KCNQ1: variants seen among roughly 807,000 people sequenced by gnomAD.
KCNQ1 encodes the protein potassium voltage-gated channel subfamily Q member 1.
KCNQ1 carries 49 observed loss-of-function variants against 72.4 expected under a neutral mutation model. That is an observed-to-expected ratio of 0.68 (90% CI 0.54 to 0.86). The LOEUF is 0.86. KCNQ1 is among the 40% of genes least tolerant of loss of function. The pLI is 0.00. For synonymous variants in KCNQ1, 450 were observed against 412.6 expected (o/e 1.09, Z -1.10); for missense variants, 790 against 945.1 (o/e 0.84, Z 2.15).
At chr11:2,630,273 A>C (rs1445017680) in intron 10 of KCNQ1, 1 of 398,092 alleles carries the variant, frequency 2.5e-6, no homozygotes, top group Non-Finnish European at 4.4e-6. Context: ...CATGTTTGTG[A>C]TATATGATTT....
rs1230124038 is a variant in KCNQ1, at chr11:2,724,922, C to T, written c.1515-43922C>T. ...TGTCACAGGGTAGAGATGACTGATC[C>T]AGTAACCTGGACAGGGTGCCGAGGG... On this transcript the variant is annotated intron_variant, in intron 11 of 15. Coordinates refer to ENST00000155840, the MANE Select transcript of KCNQ1 (RefSeq NM_000218.3). The surrounding 1 kb of genome is among the most constrained non-coding windows in gnomAD (Gnocchi z 6.8). 6.6e-6 allele frequency among the ~76,000 whole-genome samples: 1 copy of T among 152,202 alleles called. No individual in the cohort carries two copies. Among genetic ancestry groups the T allele is most frequent in the Non-Finnish European group, 1.5e-5 (1 of 68,036 alleles).
intron 3 of KCNQ1, among the ~76,000 whole-genome samples, chr11:2,571,101 G>A (rs1848326306): frequency 6.6e-6 from 1 of 152,196 alleles, no homozygotes; most frequent in Admixed American, 6.5e-5. Flanking sequence ...TCAGCACAGG[G>A]CCCAGCCTAG....
chr11:2,709,063 C>T (rs1024692858), intron 11 of KCNQ1, among the ~76,000 whole-genome samples: 9 of 152,130 alleles, frequency 5.9e-5, no homozygotes, highest in African/African-American at 2.2e-4. Context: ...CTGCCTGCTC[C>T]ACCGCCCCTC....
intron 12 of KCNQ1, chr11:2,771,359 G>C (rs1300724018): frequency 6.6e-6 from 1 of 152,242 alleles, no homozygotes. Flanking sequence ...AACTACCATG[G>C]CTTCCAGTCT....
intron 1 of KCNQ1, chr11:2,521,669 G>T (rs73419593): frequency 0.034 from 13,301 of 393,618 alleles, 434 homozygotes; most frequent in African/African-American, 0.12. Context: ...TCTCTTTAAG[G>T]TTCCTCAACT....
intron 2 of KCNQ1, among the ~76,000 whole-genome samples, chr11:2,568,558 T>C (rs965268333): frequency 6.6e-6 from 1 of 152,176 alleles, no homozygotes; most frequent in African/African-American, 2.4e-5. Context: ...TAACGGGCAG[T>C]TTCTCAGAAG....
Position 2,695,307 on chromosome 11 carries a change from C to T in KCNQ1, c.1514+33226C>T. On this transcript the variant is annotated intron_variant, in intron 11 of 15. Transcript: ENST00000155840. This position sits in a 1 kb window ranked among gnomAD's most constrained non-coding sequence, Gnocchi z 5.2. ...CTCCTCCCTACACAAACAGCTTCTC[C>T]AGGGTAATTTATTTATATCATTGTG... 2.5e-6 allele frequency: 1 copy of T among 397,586 alleles called. No individual in the cohort carries two copies. The highest frequency in any genetic ancestry group is 1.3e-4 in the South Asian group (1 of 7,738). 24.6% of individuals were successfully genotyped at this position (397,586 alleles called of 1,614,324 possible). A position where few individuals can be genotyped will look rare whatever the true frequency, so the allele number is the denominator to read the frequency against.
Position 2,849,036 on chromosome 11 carries a change from T to G in KCNQ1, c.*1033T>G, listed in dbSNP as rs1848403419. On this transcript the variant is annotated 3_prime_UTR_variant, in exon 16 of 16. Coordinates refer to ENST00000155840, the MANE Select transcript of KCNQ1 (RefSeq NM_000218.3). ...CTCACCTTGGTTCCTGGGGCATCCA[T>G]GGGGTCTCTCACAGACAGGACCCCT... The G allele has an allele frequency of 2.2e-6, 1 of 454,016 alleles. No individual in the cohort carries two copies. 28.1% of individuals were successfully genotyped at this position (454,016 alleles called of 1,614,324 possible).
At chr11:2,535,051 G>C (rs546918595) in intron 2 of KCNQ1, among the ~76,000 whole-genome samples, 2 of 152,242 alleles carry the variant, frequency 1.3e-5, no homozygotes, top group African/African-American at 4.8e-5. Context: ...AGGGCACGGG[G>C]TGGCCTGCAG....
At position 2,463,202 on chromosome 11, in the gene KCNQ1, TG is replaced by T. The variant is rs1846304274; in HGVS notation, c.386+17723del. ...GCTCAGCCTCTCCCGGCTGTGACCTTGGGGGACCATTGACTTTACTGTGTGC... is the reference window on the plus strand; with the variant it reads ...GCTCAGCCTCTCCCGGCTGTGACCTTGGGGACCATTGACTTTACTGTGTGC... On this transcript the variant is annotated intron_variant, in intron 1 of 15. Coordinates refer to ENST00000155840, the MANE Select transcript of KCNQ1 (RefSeq NM_000218.3). The surrounding 1 kb of genome is among the most constrained non-coding windows in gnomAD (Gnocchi z 7.0). Among the ~76,000 whole-genome samples the T allele has an allele frequency of 6.6e-6, 1 of 152,128 alleles. No homozygotes were observed. The highest frequency in any genetic ancestry group is 1.5e-5 in the Non-Finnish European group (1 of 68,018).
intron 11 of KCNQ1, chr11:2,684,679 A>G (rs1330070508): frequency 7.5e-6 from 3 of 398,510 alleles, no homozygotes; most frequent in Non-Finnish European, 1.3e-5. Context: ...GCAGGGAGCT[A>G]GTGGCCAACT....
At position 2,674,815 on chromosome 11, in the gene KCNQ1, C is replaced by G; in HGVS notation, c.1514+12734C>G. On this transcript the variant is annotated intron_variant, in intron 11 of 15. Transcript: ENST00000155840. The surrounding 1 kb of genome is among the most constrained non-coding windows in gnomAD (Gnocchi z 5.9). ...TGCTGGCCTTTGGAAAGGCTTGTCA[C>G]CCTAATAGCTGTTTTTTAAAAAAAA... 2.6e-6 allele frequency: 1 copy of G among 391,966 alleles called. No homozygotes were observed. The highest frequency in any genetic ancestry group is 4.4e-6 in the Non-Finnish European group (1 of 224,990). The allele number at this position is 391,966 out of a possible 1,614,324, so 24.3% of individuals were successfully genotyped here.
intron 11 of KCNQ1, among the ~76,000 whole-genome samples, chr11:2,749,313 G>A (rs992502193): frequency 3.3e-5 from 5 of 151,956 alleles, no homozygotes; most frequent in Non-Finnish European, 5.9e-5. Context: ...GAGGGGTGTC[G>A]GGGGCCTCGG....
In KCNQ1 at chr11:2,588,285, G is replaced by A. The variant is rs868160094; in HGVS notation, c.1252-428G>A. 2.0e-5 allele frequency among the ~76,000 whole-genome samples: 3 copies of A among 152,092 alleles called. No individual in the cohort carries two copies. The Middle Eastern group carries it at 0.01, about 517-fold the overall frequency. On this transcript the variant is annotated intron_variant, in intron 9 of 15. Transcript: ENST00000155840. This position sits in a 1 kb window ranked among gnomAD's most constrained non-coding sequence, Gnocchi z 5.6. ...TTCCAGCTGCCGGTGGAGCCTCCGT[G>A]CCTACTGTTCCCTGTGCTGGAATGT...
chr11:2,501,257 T>TTA (rs1554886045), intron 1 of KCNQ1, among the ~76,000 whole-genome samples: 2 of 150,612 alleles, frequency 1.3e-5, no homozygotes, highest in African/African-American at 2.4e-5. Context: ...GTTTTTTTTT[T>TTA]AAAAGATAAA....
chr11:2,691,233 A>C lies in KCNQ1; in HGVS notation c.1514+29152A>C. ...CAAGTGGAGGAGTTAGAGGATCTGCAGTTAACCCCTTGAGTCTCGGAAGGC... is the reference window on the plus strand; with the variant it reads ...CAAGTGGAGGAGTTAGAGGATCTGCCGTTAACCCCTTGAGTCTCGGAAGGC... On this transcript the variant is annotated intron_variant, in intron 11 of 15. Coordinates refer to ENST00000155840, the MANE Select transcript of KCNQ1 (RefSeq NM_000218.3). This position sits in a 1 kb window ranked among gnomAD's most constrained non-coding sequence, Gnocchi z 6.4. The C allele has an allele frequency of 2.5e-6, 1 of 398,644 alleles. No homozygotes were observed. The highest frequency in any genetic ancestry group is 4.4e-6 in the Non-Finnish European group (1 of 226,084). The allele number at this position is 398,644 out of a possible 1,614,324, so 24.7% of individuals were successfully genotyped here. A position where few individuals can be genotyped will look rare whatever the true frequency, so the allele number is the denominator to read the frequency against.
At chr11:2,548,808 C>CACACACAG (rs1409730429) in intron 2 of KCNQ1, among the ~76,000 whole-genome samples, 5 of 152,354 alleles carry the variant, frequency 3.3e-5, no homozygotes, top group Admixed American at 2.6e-4. Context: ...CACGCACGTA[C>CACACACAG]ACACACAGAC....
intron 1 of KCNQ1, among the ~76,000 whole-genome samples, chr11:2,449,368 G>T (rs1169422215): frequency 3.3e-5 from 5 of 152,188 alleles, no homozygotes; most frequent in African/African-American, 1.2e-4. Context: ...TAACGTGCGG[G>T]CTGCGTTGTG....
At chr11:2,449,055 G>T (rs1485114305) in intron 1 of KCNQ1, among the ~76,000 whole-genome samples, 1 of 152,270 alleles carries the variant, frequency 6.6e-6, no homozygotes, top group Admixed American at 6.5e-5. Context: ...GGCCTGGGCA[G>T]TGCCTGGTGG....
Sources: gnomAD v4.1 joint callset for allele counts (sites outside exome capture counted in the v4.1 genomes callset) on GRCh38, gnomAD v4.1.1 for gene constraint, Gnocchi (gnomAD v3.1) non-coding constraint, MANE v1.5 for transcripts, NCBI Gene and HGNC (gene_info 2026-07-23, HGNC 2026-07-21) for gene names.